Variants in GRIN2D observed in about 807,000 individuals in gnomAD.
GRIN2D encodes glutamate receptor ionotropic, NMDA 2D.
GRIN2D carries 37 observed loss-of-function variants against 103.2 expected under a neutral mutation model. That is an observed-to-expected ratio of 0.36 (90% CI 0.28 to 0.47). The LOEUF (loss-of-function observed/expected upper bound fraction) is 0.47, where lower values mean the gene tolerates loss of function less well. GRIN2D is among the 20% of genes least tolerant of loss of function. GRIN2D has a pLI of 1.00. For missense variants in GRIN2D, 1,557 were observed against 1,910.6 expected (o/e 0.81, Z 3.45); for synonymous variants, 845 against 885.6 (o/e 0.95, Z 0.81).
At chr19:48,413,176 A>G (rs1970897434) in intron 4 of GRIN2D, among the ~76,000 whole-genome samples, 1 of 96,474 alleles carries the variant, frequency 1.0e-5, no homozygotes, top group Admixed American at 1.1e-4. Context: ...ACCACACATT[A>G]AAAAAAAAAA....
At chr19:48,411,297 T>G (rs1007387106) in intron 4 of GRIN2D, among the ~76,000 whole-genome samples, 1 of 150,768 alleles carries the variant, frequency 6.6e-6, no homozygotes, top group Non-Finnish European at 1.5e-5. Context: ...TGCACTGCAA[T>G]CTGGGTGACA....
Position 48,421,700 on chromosome 19 carries a change from G to C in GRIN2D, c.2092-85G>C. ...ACTCCTGGGACTGGGGTGTCTGCCA[G>C]ATAGCGGGTGTGTCTCAGAATGGGT... On this transcript the variant is annotated intron_variant, in intron 10 of 13. Transcript: ENST00000263269. The surrounding 1 kb of genome is among the most constrained non-coding windows in gnomAD (Gnocchi z 4.8). 2.7e-6 allele frequency: 3 copies of C among 1,121,724 alleles called. No homozygotes were observed. The highest frequency in any genetic ancestry group is 4.0e-6 in the Non-Finnish European group (3 of 753,990). 69.5% of individuals were successfully genotyped at this position (1,121,724 alleles called of 1,614,324 possible).
intron 11 of GRIN2D, among the ~76,000 whole-genome samples, chr19:48,434,381 G>C (rs1233059320): frequency 6.6e-6 from 1 of 152,128 alleles, no homozygotes; most frequent in African/African-American, 2.4e-5. Context: ...AGCCTCCCGA[G>C]TAGCTGGAAC....
chr19:48,428,336 C>T (rs912127827), intron 11 of GRIN2D, among the ~76,000 whole-genome samples: 1 of 149,762 alleles, frequency 6.7e-6, no homozygotes, highest in African/African-American at 2.5e-5. Flanking sequence ...CGAACCCAGT[C>T]AAGCTCCCCC....
At position 48,414,591 on chromosome 19, in the gene GRIN2D, G is replaced by A. The variant is rs963484128; in HGVS notation, c.1412+7G>A. ...AGCTCAACCGAACCCACAGGTGACA[G>A]CTCGGGATCCAGGAGTTCCGGCTCC... On this transcript the variant is annotated splice_region_variant and intron_variant, in intron 6 of 13. Transcript: ENST00000263269. This position sits in a 1 kb window ranked among gnomAD's most constrained non-coding sequence, Gnocchi z 4.6. 5.2e-6 allele frequency: 8 copies of A among 1,549,772 alleles called. No homozygotes were observed. The Admixed American group carries it at 9.8e-5, about 19-fold the overall frequency.
chr19:48,414,744 TCCC>T lies in GRIN2D; in HGVS notation c.1413-118_1413-116del. The T allele has an allele frequency of 7.6e-7, 1 of 1,315,166 alleles. No individual in the cohort carries two copies. Among genetic ancestry groups the T allele is most frequent in the Non-Finnish European group, 1.1e-6 (1 of 948,022 alleles). 81.5% of individuals were successfully genotyped at this position (1,315,166 alleles called of 1,614,324 possible). On this transcript the variant is annotated intron_variant, in intron 6 of 13. Transcript: ENST00000263269. This position sits in a 1 kb window ranked among gnomAD's most constrained non-coding sequence, Gnocchi z 4.6. ...CCTCAGAATTCTTTGAGCCTGAGTT[TCCC>T]CTGAAAGCGCTAACCATAGTTTTAG...
intron 4 of GRIN2D, among the ~76,000 whole-genome samples, chr19:48,406,394 C>T (rs1392096747): frequency 2.0e-5 from 3 of 152,154 alleles, no homozygotes; most frequent in Non-Finnish European, 2.9e-5. Context: ...CGGTAGGAAG[C>T]TCTGGGAGTG....
intron 3 of GRIN2D, among the ~76,000 whole-genome samples, chr19:48,403,537 G>A (rs1806696771): frequency 6.6e-6 from 1 of 152,150 alleles, no homozygotes; most frequent in Admixed American, 6.6e-5. Flanking sequence ...GATAGCATGG[G>A]AGACAGTATT....
At position 48,426,353 on chromosome 19, in the gene GRIN2D, G is replaced by A. The variant is rs187326860; in HGVS notation, c.2252+4408G>A. On this transcript the variant is annotated intron_variant, in intron 11 of 13. Coordinates refer to ENST00000263269, the MANE Select transcript of GRIN2D (RefSeq NM_000836.4). The stretch of plus-strand genomic sequence containing the variant: ...CGGTTCTCCTGCCTCAGCCTCCCAA[G>A]TTGCTGGAATTACAGGCGCCTGCCA... 3.4e-3 allele frequency among the ~76,000 whole-genome samples: 506 copies of A among 150,110 alleles called. 3 individuals carry two copies. Among genetic ancestry groups the A allele is most frequent in the African/African-American group, 0.012 (484 of 40,982 alleles).
chr19:48,395,490 ATGT>A (rs929016964), intron 2 of GRIN2D, among the ~76,000 whole-genome samples: 10 of 151,524 alleles, frequency 6.6e-5, no homozygotes, highest in Admixed American at 3.9e-4. Flanking sequence ...GGAGAGACCG[ATGT>A]TGTGTGTGTG....
At chr19:48,402,290 G>A (rs372588675) in intron 3 of GRIN2D, among the ~76,000 whole-genome samples, 2 of 152,068 alleles carry the variant, frequency 1.3e-5, no homozygotes, top group East Asian at 3.9e-4. Flanking sequence ...TTTGAACGTA[G>A]AGCTAAGAAG....
Position 48,442,964 on chromosome 19 carries a change from A to C in GRIN2D, c.3038A>C (p.Asp1013Ala). 8.8e-7 allele frequency: 1 copy of C among 1,140,946 alleles called. No individual in the cohort carries two copies. Among genetic ancestry groups the C allele is most frequent in the Admixed American group, 3.8e-5 (1 of 26,620 alleles). 70.7% of individuals were successfully genotyped at this position (1,140,946 alleles called of 1,614,324 possible). A position where few individuals can be genotyped will look rare whatever the true frequency, so the allele number is the denominator to read the frequency against. Residue 1013 changes from aspartate to alanine, a missense_variant, in exon 14 of 14, where the codon GAC becomes GCC. Around this residue, in one of 7 missense-constraint regions of GRIN2D, gnomAD observed 632 missense variants for 572.8 expected, o/e 1.10. Coordinates refer to ENST00000263269, the MANE Select transcript of GRIN2D (RefSeq NM_000836.4). This position sits in a 1 kb window ranked among gnomAD's most constrained non-coding sequence, Gnocchi z 7.2. ...CCCTCCTATTTCGCCATCGTACGCG[A>C]CAAGGAGCCAGCCGAGCCCCCCGCC... ...PPPSYFAIVR[D>A]KEPAEPPAGA...
chr19:48,438,725 C>T (rs979536672), intron 11 of GRIN2D, among the ~76,000 whole-genome samples: 10 of 152,018 alleles, frequency 6.6e-5, no homozygotes, highest in African/African-American at 2.4e-4. Context: ...TGAGTCACTG[C>T]GCCCGGCCAA....
chr19:48,426,220 C>CTTTTTTTTTTTTTTTTTT (rs1253186603), intron 11 of GRIN2D, among the ~76,000 whole-genome samples: 8 of 127,116 alleles, frequency 6.3e-5, no homozygotes, highest in South Asian at 2.4e-4. Context: ...TTCTTTCTTT[C>CTTTTTTTTTTTTTTTTTT]TTTCTTTTTT....
rs767602710 is a variant in GRIN2D at position 48,405,220 on chromosome 19, C to T, written c.952C>T (p.Arg318Trp). The T allele has an allele frequency of 6.2e-7, 1 of 1,601,060 alleles. No individual in the cohort carries two copies. The highest frequency in any genetic ancestry group is 1.7e-5 in the Admixed American group (1 of 59,518). ...RSAGWRDDLA[R>W]RVAAGVAVVA... ...GGCTGGCTGGCGGGATGACCTGGCT[C>T]GGCGAGTGGCAGCTGGCGTGGCCGT... The change falls in exon 4 of 14, where the codon CGG (arginine) becomes TGG (tryptophan). Residue 318 changes from arginine to tryptophan, a missense_variant. Transcript: ENST00000263269. This position sits in a 1 kb window ranked among gnomAD's most constrained non-coding sequence, Gnocchi z 5.1.
Position 48,404,994 on chromosome 19 carries a change from G to T in GRIN2D, c.726G>T (p.Gln242His). 1.2e-6 allele frequency: 2 copies of T among 1,612,316 alleles called. No individual in the cohort carries two copies. Among genetic ancestry groups the T allele is most frequent in the Non-Finnish European group, 1.7e-6 (2 of 1,179,566 alleles). Residue 242 changes from glutamine (Q) to histidine (H), a missense_variant, in exon 4 of 14, where the codon CAG (glutamine) becomes CAT (histidine). Around this residue, in one of 7 missense-constraint regions of GRIN2D, gnomAD observed 490 missense variants for 601.1 expected, o/e 0.82. Transcript: ENST00000263269. Reference sequence around the variant, plus strand: ...CCCAGCTCCGCAGTGTCAGCGCGCAGATCCGCCTGCTCTTCTGCGCCCGAG... The same window carrying T: ...CCCAGCTCCGCAGTGTCAGCGCGCATATCCGCCTGCTCTTCTGCGCCCGAG... ...LSAQLRSVSAQIRLLFCAREE... is the reference protein window; with the variant it reads ...LSAQLRSVSAHIRLLFCAREE...
Position 48,442,448 on chromosome 19 carries a change from C to A in GRIN2D, c.2673+66C>A. The A allele has an allele frequency of 2.6e-6, 4 of 1,554,616 alleles. No homozygotes were observed. Among genetic ancestry groups the A allele is most frequent in the Non-Finnish European group, 3.5e-6 (4 of 1,143,680 alleles). On this transcript the variant is annotated intron_variant, in intron 13 of 13. Transcript: ENST00000263269. The surrounding 1 kb of genome is among the most constrained non-coding windows in gnomAD (Gnocchi z 7.2). The stretch of plus-strand genomic sequence containing the variant: ...GGGCGGGGACAAAGGTAAAGCCGAG[C>A]AGAGACAAGGAGATGTGGGTCGAGA...
At chr19:48,426,718 G>A (rs1971092168) in intron 11 of GRIN2D, among the ~76,000 whole-genome samples, 2 of 151,888 alleles carry the variant, frequency 1.3e-5, no homozygotes, top group Non-Finnish European at 2.9e-5. Context: ...CTGAGCAGGT[G>A]GGATTACAGG....
chr19:48,435,091 A>G (rs777784145), intron 11 of GRIN2D, among the ~76,000 whole-genome samples: 1 of 152,132 alleles, frequency 6.6e-6, no homozygotes, highest in Non-Finnish European at 1.5e-5. Context: ...ACAAAATACC[A>G]TAGACTGAGT....
Sources: gnomAD v4.1 joint callset for allele counts (sites outside exome capture counted in the v4.1 genomes callset) on GRCh38, gnomAD v4.1.1 for gene constraint, gnomAD v4.1.1 regional missense constraint, Gnocchi (gnomAD v3.1) non-coding constraint, MANE v1.5 for transcripts, NCBI Gene and HGNC (gene_info 2026-07-23, HGNC 2026-07-21) for gene names.